Variants in ST6GALNAC4 observed in about 807,000 individuals in gnomAD.
ST6GALNAC4 encodes the protein alpha-N-acetyl-neuraminyl-2,3-beta-galactosyl-1,3-N-acetyl-galactosaminide alpha-2,6-sialyltransferase.
Under a neutral mutation model 30.4 loss-of-function variants are expected in ST6GALNAC4, and 24 were observed. The observed-to-expected ratio is 0.79, with a 90% CI of 0.57 to 1.11. ST6GALNAC4 has a LOEUF of 1.11. Among genes scored for constraint, ST6GALNAC4 ranks in the 50% most tolerant of loss-of-function variants. The probability of loss-of-function intolerance (pLI) is 0.00; values close to 1 mark genes in which losing one functional copy is unlikely to be tolerated. For missense variants in ST6GALNAC4, 365 were observed against 430.1 expected, an observed-to-expected ratio of 0.85 and a Z score of 1.34; for synonymous variants, 156 against 179.7, an observed-to-expected ratio of 0.87 and a Z score of 1.05.
At chr9:127,910,531 G>A (rs769842149) in intron 4 of ST6GALNAC4, 61 of 994,158 alleles carry the variant, frequency 6.1e-5, no homozygotes, top group Non-Finnish European at 6.9e-5. Context: ...TGACCAGTCT[G>A]TGAAGTGGAG....
At position 127,912,376 on chromosome 9, in the gene ST6GALNAC4, G is replaced by T. The variant is rs200265799; in HGVS notation, c.503C>A (p.Thr168Lys). ...DRVLGGRTYR[T>K]LLQLTRMYPG... is the part of the protein sequence containing the mutation. ...GTACATCCTGGTGAGCTGCAGCAGCGTGCGGTAGGTGCGGCCGCCGAGCAC... is the reference window on the plus strand; with the variant it reads ...GTACATCCTGGTGAGCTGCAGCAGCTTGCGGTAGGTGCGGCCGCCGAGCAC... The change falls in exon 4 of 6, where the codon ACG (threonine) becomes AAG (lysine). Residue 168 changes from threonine to lysine, a missense_variant. Thr to Lys is a moderately conservative substitution (Grantham distance 78). Transcript: ENST00000335791. 1 of 1,613,990 alleles carries T rather than the reference G, an allele frequency of 6.2e-7. No homozygotes were observed. Among genetic ancestry groups the T allele is most frequent in the Non-Finnish European group, 8.5e-7 (1 of 1,180,030 alleles).
At chr9:127,910,865 T>C (rs1369233220) in intron 4 of ST6GALNAC4, among the ~76,000 whole-genome samples, 1 of 152,118 alleles carries the variant, frequency 6.6e-6, no homozygotes, top group Non-Finnish European at 1.5e-5. Flanking sequence ...GAGACAAATC[T>C]CTAAGCAAGA....
intron 2 of ST6GALNAC4, 108 bp from the exon 3 acceptor site, chr9:127,914,949 G>T: frequency 9.7e-7 from 1 of 1,035,784 alleles, no homozygotes; most frequent in Non-Finnish European, 1.3e-6. Context: ...TGGGTCTAGA[G>T]CAGCTCCTAG....
rs1464301221 is a variant in ST6GALNAC4, at chr9:127,917,016, C to G, written c.-266G>C. The G allele has an allele frequency of 1.3e-5, 2 of 153,144 alleles. No homozygotes were observed. The highest frequency in any genetic ancestry group is 2.9e-5 in the Non-Finnish European group (2 of 68,144). The allele number at this position is 153,144 out of a possible 1,614,324, so 9.5% of individuals were successfully genotyped here. On this transcript the variant is annotated 5_prime_UTR_variant, in exon 1 of 6. Coordinates refer to ENST00000335791, the MANE Select transcript of ST6GALNAC4 (RefSeq NM_175039.4). ...CGGGCCGGGCCGACTGGGCTGGAAGCTGATCCGCGCGGCCAGAGGCAGGGG... is the reference window on the plus strand; with the variant it reads ...CGGGCCGGGCCGACTGGGCTGGAAGGTGATCCGCGCGGCCAGAGGCAGGGG...
chr9:127,910,666 C>T lies in ST6GALNAC4; in HGVS notation c.612-608G>A, dbSNP rs1421173180. On this transcript the variant is annotated intron_variant, in intron 4 of 5. Transcript: ENST00000335791. ...GCCTCAGCTCCCTGGAGGCAGCAGC[C>T]CTGGGTACTCTTGCAGCCAAGGGCC... 3 of 962,818 alleles carry T rather than the reference C, an allele frequency of 3.1e-6. No individual in the cohort carries two copies. The African/African-American group carries it at 5.3e-5, about 17-fold the overall frequency. The allele number at this position is 962,818 out of a possible 1,614,324, so 59.6% of individuals were successfully genotyped here. A position where few individuals can be genotyped will look rare whatever the true frequency, so the allele number is the denominator to read the frequency against.
intron 2 of ST6GALNAC4, 140 bp downstream of exon 2, chr9:127,916,268 C>T (rs1238179395): frequency 2.6e-6 from 3 of 1,176,074 alleles, no homozygotes; most frequent in African/African-American, 1.5e-5. Flanking sequence ...CAGGGTTGGA[C>T]TTTGAGGCCA....
In ST6GALNAC4 at chr9:127,914,811, C is replaced by T. The variant is rs139214809; in HGVS notation, c.43G>A (p.Val15Met). ...GRLVLIILCS[V>M]VFSAVYILLC... ...AGGATGTAGACGGCAGAGAAGACCACGGAGCACAGGATGATGAGCACGAGC... is the reference window on the plus strand; with the variant it reads ...AGGATGTAGACGGCAGAGAAGACCATGGAGCACAGGATGATGAGCACGAGC... The change falls in exon 3 of 6, where the codon GTG (valine) becomes ATG (methionine). Residue 15 changes from valine (V) to methionine (M), a missense_variant. Coordinates refer to ENST00000335791, the MANE Select transcript of ST6GALNAC4 (RefSeq NM_175039.4). The T allele has an allele frequency of 3.1e-5, 48 of 1,570,784 alleles. No homozygotes were observed. The highest frequency in any genetic ancestry group is 3.7e-5 in the Non-Finnish European group (43 of 1,156,580).
At chr9:127,915,656 C>T (rs1359309620) in intron 2 of ST6GALNAC4, among the ~76,000 whole-genome samples, 1 of 152,232 alleles carries the variant, frequency 6.6e-6, no homozygotes, top group African/African-American at 2.4e-5. Flanking sequence ...GCCCCTACCA[C>T]CACCAAGCCT....
chr9:127,911,027 G>C (rs1484577604), intron 4 of ST6GALNAC4, among the ~76,000 whole-genome samples: 1 of 152,162 alleles, frequency 6.6e-6, no homozygotes, highest in East Asian at 1.9e-4. Context: ...GTCATGGGAA[G>C]ATCTGGGAGA....
rs984664119 is a variant in ST6GALNAC4 at position 127,908,194 on chromosome 9, C to T, written c.*198G>A. On this transcript the variant is annotated 3_prime_UTR_variant, in exon 6 of 6. Transcript: ENST00000335791. ...GTGGAGGGGGGAGACACGGCTCCCCCCTCCACTCCCCTTCAAGTCATGAGG... is the reference window on the plus strand; with the variant it reads ...GTGGAGGGGGGAGACACGGCTCCCCTCTCCACTCCCCTTCAAGTCATGAGG... The T allele has an allele frequency of 3.9e-6, 1 of 257,920 alleles. No homozygotes were observed. Among genetic ancestry groups the T allele is most frequent in the Non-Finnish European group, 7.2e-6 (1 of 139,266 alleles). The allele number at this position is 257,920 out of a possible 1,614,324, so 16.0% of individuals were successfully genotyped here.
chr9:127,916,531 A>G (rs1337984323), intron 1 of ST6GALNAC4, 37 bp from the exon 2 acceptor site: 2 of 1,344,736 alleles, frequency 1.5e-6, no homozygotes, highest in African/African-American at 1.4e-5. Flanking sequence ...GGGAGGGGTA[A>G]GGCAGGTGGG....
At chr9:127,909,545 T>C (rs914487566) in intron 5 of ST6GALNAC4, among the ~76,000 whole-genome samples, 2 of 115,708 alleles carry the variant, frequency 1.7e-5, no homozygotes, top group African/African-American at 5.4e-5. Context: ...ATAAAACATA[T>C]CACTGATATA....
chr9:127,911,376 G>A (rs999856237), intron 4 of ST6GALNAC4, among the ~76,000 whole-genome samples: 4 of 152,210 alleles, frequency 2.6e-5, no homozygotes, highest in African/African-American at 4.8e-5. Flanking sequence ...GTGTGGAGGA[G>A]GGGCTGGCAA....
intron 4 of ST6GALNAC4, among the ~76,000 whole-genome samples, chr9:127,910,943 G>A (rs978941613): frequency 2.0e-5 from 3 of 152,206 alleles, no homozygotes; most frequent in African/African-American, 4.8e-5. Context: ...ATGCCAGGGC[G>A]GGAGGCACTC....
At chr9:127,912,141 A>G (rs1416430367) in intron 4 of ST6GALNAC4, 127 bp downstream of exon 4, 9 of 1,207,904 alleles carry the variant, frequency 7.5e-6, no homozygotes, top group Non-Finnish European at 9.1e-6. Flanking sequence ...AGAGGGCAGG[A>G]CCATGTCTGC....
In ST6GALNAC4 at chr9:127,912,261, G is replaced by A. The variant is rs1428287089; in HGVS notation, c.611+7C>T. The A allele has an allele frequency of 3.1e-6, 5 of 1,601,344 alleles. No individual in the cohort carries two copies. The highest frequency in any genetic ancestry group is 4.3e-6 in the Non-Finnish European group (5 of 1,172,354). ...GAGAGACCCCAGCAGGCAGGCCCCA[G>A]GCTCACCGGTTCTTGCCCGTCTCGT... is the stretch of plus-strand genomic sequence containing the variant. On this transcript the variant is annotated splice_region_variant and intron_variant, in intron 4 of 5. Coordinates refer to ENST00000335791, the MANE Select transcript of ST6GALNAC4 (RefSeq NM_175039.4).
chr9:127,911,125 G>T (rs560149686), intron 4 of ST6GALNAC4, among the ~76,000 whole-genome samples: 47 of 152,170 alleles, frequency 3.1e-4, no homozygotes, highest in Non-Finnish European at 5.9e-4. Context: ...GGCCAGTATG[G>T]GTAGAACAGG....
At chr9:127,910,674 C>T in intron 4 of ST6GALNAC4, 2 of 935,706 alleles carry the variant, frequency 2.1e-6, no homozygotes, top group Non-Finnish European at 2.6e-6. Flanking sequence ...GCCCTGGGTA[C>T]TCTTGCAGCC....
At chr9:127,916,740 C>A (rs367966654) in intron 1 of ST6GALNAC4, 86 bp downstream of exon 1, 32 of 494,648 alleles carry the variant, frequency 6.5e-5, no homozygotes, top group African/African-American at 5.6e-4. Flanking sequence ...GAAGAGGCAG[C>A]GAGGAGGCGC....
Sources: allele counts gnomAD v4.1 joint callset (sites outside exome capture counted in the v4.1 genomes callset), GRCh38; gene constraint gnomAD v4.1.1; transcripts MANE v1.5; gene names NCBI Gene and HGNC (gene_info 2026-07-23, HGNC 2026-07-21).